Variants in CCDC63 observed in about 807,000 individuals in gnomAD.
CCDC63 encodes coiled-coil domain-containing protein 63.
Under a neutral mutation model 63.6 loss-of-function variants are expected in CCDC63, and 54 were observed. The ratio of observed to expected loss-of-function variants is 0.85; its 90% CI spans 0.68 to 1.07. The LOEUF (loss-of-function observed/expected upper bound fraction) is 1.07. Ranked by LOEUF, CCDC63 falls within the 50% of genes least tolerant of loss-of-function variation. CCDC63 has a pLI of 0.00. For synonymous variants in CCDC63, 253 were observed against 266.1 expected (o/e 0.95, Z 0.48); for missense variants, 637 against 689.6 (o/e 0.92, Z 0.86).
At chr12:110,890,316 T>A (rs913244184) in intron 8 of CCDC63, among the ~76,000 whole-genome samples, 8 of 151,198 alleles carry the variant, frequency 5.3e-5, no homozygotes, top group Admixed American at 1.3e-4. Context: ...AAAAAAAAAA[T>A]TTAAAAATTA....
intron 4 of CCDC63, among the ~76,000 whole-genome samples, chr12:110,870,804 C>G (rs150912326): frequency 6.6e-6 from 1 of 152,298 alleles, no homozygotes; most frequent in East Asian, 1.9e-4. Context: ...AACCTAATAA[C>G]TGAGCACAAA....
chr12:110,895,952 G>A (rs2071411027), intron 9 of CCDC63, among the ~76,000 whole-genome samples: 1 of 152,038 alleles, frequency 6.6e-6, no homozygotes, highest in South Asian at 2.1e-4. Flanking sequence ...TTCTTCTCTG[G>A]CCTCAACATT....
At chr12:110,846,254 G>T (rs1370017588), upstream of CCDC63, among the ~76,000 whole-genome samples, 1 of 152,182 alleles carries the variant, frequency 6.6e-6, no homozygotes, top group East Asian at 1.9e-4. Context: ...TAGAAAACAG[G>T]TACCCCCAAT....
At chr12:110,891,921 C>T (rs1340477056) in intron 8 of CCDC63, among the ~76,000 whole-genome samples, 1 of 152,186 alleles carries the variant, frequency 6.6e-6, no homozygotes, top group Non-Finnish European at 1.5e-5. Context: ...GGACAGACTC[C>T]TAGGCATGAG....
chr12:110,860,925 G>A (rs1175524295), intron 4 of CCDC63, among the ~76,000 whole-genome samples: 1 of 152,152 alleles, frequency 6.6e-6, no homozygotes, highest in Non-Finnish European at 1.5e-5. Context: ...GGTTTAATTG[G>A]CTTACAGTTC....
At chr12:110,866,951 AC>A (rs1266444650) in intron 4 of CCDC63, among the ~76,000 whole-genome samples, 2 of 99,178 alleles carry the variant, frequency 2.0e-5, no homozygotes, top group African/African-American at 4.0e-5. Flanking sequence ...CGGGGGGCTG[AC>A]CCCCCCACCT....
intron 4 of CCDC63, among the ~76,000 whole-genome samples, chr12:110,864,505 C>T (rs890552890): frequency 1.3e-5 from 2 of 151,688 alleles, no homozygotes; most frequent in African/African-American, 4.8e-5. Flanking sequence ...GGGAGGATCA[C>T]CTGAGGTCAG....
At chr12:110,878,228 A>G (rs1011690195) in intron 5 of CCDC63, among the ~76,000 whole-genome samples, 1 of 152,230 alleles carries the variant, frequency 6.6e-6, no homozygotes, top group Non-Finnish European at 1.5e-5. Context: ...ACCTATATGC[A>G]TATATGTATA....
intron 5 of CCDC63, 63 bp downstream of exon 5, chr12:110,874,024 T>G: frequency 6.4e-7 from 1 of 1,555,670 alleles, no homozygotes; most frequent in Non-Finnish European, 8.7e-7. Context: ...AGAACAAAAA[T>G]GATGTCTGCC....
rs2071329598 is a variant in CCDC63 at position 110,889,486 on chromosome 12, A to T, written c.1075-3590A>T. ...TTACAGGTGAAGGATTGAGCTGTCCAGATCTCTGGGGAAGAACGCTCCAGG... is the reference window on the plus strand; with the variant it reads ...TTACAGGTGAAGGATTGAGCTGTCCTGATCTCTGGGGAAGAACGCTCCAGG... On this transcript the variant is annotated intron_variant, in intron 8 of 11. Coordinates refer to ENST00000308208, the MANE Select transcript of CCDC63 (RefSeq NM_152591.3). This position sits in a 1 kb window ranked among gnomAD's most constrained non-coding sequence, Gnocchi z 4.1. 6.6e-6 allele frequency among the ~76,000 whole-genome samples: 1 copy of T among 152,198 alleles called. No homozygotes were observed. The highest frequency in any genetic ancestry group is 2.1e-4 in the South Asian group (1 of 4,828).
At chr12:110,848,490 T>C (rs1290892970) in intron 1 of CCDC63, among the ~76,000 whole-genome samples, 1 of 152,064 alleles carries the variant, frequency 6.6e-6, no homozygotes, top group African/African-American at 2.4e-5. Context: ...GCCAGCACCC[T>C]AGGGGAGAGT....
chr12:110,874,059 T>A, intron 5 of CCDC63, 98 bp downstream of exon 5: 1 of 1,456,820 alleles, frequency 6.9e-7, no homozygotes, highest in Non-Finnish European at 9.2e-7. Context: ...ACATACCCAT[T>A]TCCCTGGTTG....
chr12:110,872,799 A>T (rs948713603), intron 4 of CCDC63, among the ~76,000 whole-genome samples: 1 of 151,880 alleles, frequency 6.6e-6, no homozygotes, highest in Non-Finnish European at 1.5e-5. Flanking sequence ...CTATTTTTAG[A>T]TTTTTCTGTA....
At position 110,889,198 on chromosome 12, in the gene CCDC63, G is replaced by A. The variant is rs1434410455; in HGVS notation, c.1075-3878G>A. On this transcript the variant is annotated intron_variant, in intron 8 of 11. Coordinates refer to ENST00000308208, the MANE Select transcript of CCDC63 (RefSeq NM_152591.3). This position sits in a 1 kb window ranked among gnomAD's most constrained non-coding sequence, Gnocchi z 4.1. ...CTCGTTCATCCAGCAAGTATTTATT[G>A]AGCACCTACTGCGTTCCAGACACTG... Among the ~76,000 whole-genome samples the A allele has an allele frequency of 6.6e-6, 1 of 152,120 alleles. No homozygotes were observed. The highest frequency in any genetic ancestry group is 2.4e-5 in the African/African-American group (1 of 41,420).
chr12:110,904,912 A>G, intron 11 of CCDC63, 121 bp downstream of exon 11: 1 of 732,372 alleles, frequency 1.4e-6, no homozygotes, highest in Admixed American at 3.1e-5. Flanking sequence ...TCCTCTCTTT[A>G]TGAGCTCTTG....
Position 110,852,885 on chromosome 12 carries a change from A to G in CCDC63, c.-70A>G. 1.2e-6 allele frequency: 2 copies of G among 1,612,040 alleles called. No individual in the cohort carries two copies. The highest frequency in any genetic ancestry group is 1.3e-5 in the African/African-American group (1 of 74,942). On this transcript the variant is annotated 5_prime_UTR_variant, in exon 2 of 12. Transcript: ENST00000308208. ...GCATTGCAGAGAGACAGAGAGAGAG[A>G]GGAAGGCTCACTGGCTTTGAGCTCT...
chr12:110,865,342 A>T (rs772851470), intron 4 of CCDC63, among the ~76,000 whole-genome samples: 1 of 152,082 alleles, frequency 6.6e-6, no homozygotes, highest in Non-Finnish European at 1.5e-5. Flanking sequence ...TAGACCAAGG[A>T]TCTCAAACTG....
At chr12:110,862,812 G>C (rs2070875711) in intron 4 of CCDC63, among the ~76,000 whole-genome samples, 1 of 151,396 alleles carries the variant, frequency 6.6e-6, no homozygotes, top group Non-Finnish European at 1.5e-5. Context: ...CTGGAGTGCA[G>C]TGGTGTGATC....
In CCDC63 at chr12:110,880,098, GA is replaced by G; in HGVS notation, c.671+12del. ...GGCCTATGAGCAGAGGTGGGCTGGG[GA>G]TAGGTCCAGGGGCAGCGAGGTCTCT... On this transcript the variant is annotated intron_variant, in intron 6 of 11. Coordinates refer to ENST00000308208, the MANE Select transcript of CCDC63 (RefSeq NM_152591.3). The G allele has an allele frequency of 6.2e-7, 1 of 1,612,990 alleles. No homozygotes were observed. The highest frequency in any genetic ancestry group is 8.5e-7 in the Non-Finnish European group (1 of 1,179,320).
Sources: allele counts gnomAD v4.1 joint callset (sites outside exome capture counted in the v4.1 genomes callset), GRCh38; gene constraint gnomAD v4.1.1; non-coding constraint Gnocchi (gnomAD v3.1); transcripts MANE v1.5; gene names NCBI Gene and HGNC (gene_info 2026-07-23, HGNC 2026-07-21).